LIPE: variants seen among roughly 807,000 people sequenced by gnomAD.
LIPE encodes hormone-sensitive lipase.
Under a neutral mutation model 88.5 loss-of-function variants are expected in LIPE, and 66 were observed. The ratio of observed to expected loss-of-function variants is 0.75; its 90% CI spans 0.61 to 0.91. LIPE has a LOEUF of 0.91. Among genes scored for constraint, LIPE ranks in the 40% least tolerant of loss-of-function variants. LIPE has a pLI of 0.00. For synonymous variants in LIPE, 570 were observed against 617.5 expected (o/e 0.92, Z 1.14); for missense variants, 1,346 against 1,434.7 (o/e 0.94, Z 1.00).
intron 1 of LIPE, among the ~76,000 whole-genome samples, chr19:42,422,142 C>T (rs1410919679): frequency 1.3e-5 from 2 of 152,204 alleles, no homozygotes; most frequent in Admixed American, 1.3e-4. Flanking sequence ...GGATGTTCAC[C>T]GTCCGGTGGG....
intron 1 of LIPE, among the ~76,000 whole-genome samples, chr19:42,418,089 T>A (rs2040526076): frequency 6.6e-6 from 1 of 151,860 alleles, no homozygotes; most frequent in South Asian, 2.1e-4. Flanking sequence ...TTCAAGTGAT[T>A]CTCCTACCTC....
chr19:42,405,087 C>T (rs1347237601), intron 8 of LIPE, among the ~76,000 whole-genome samples: 7 of 151,778 alleles, frequency 4.6e-5, no homozygotes, highest in East Asian at 1.9e-4. Flanking sequence ...AGGCTGGTCT[C>T]GAACTCCTGA....
Position 42,414,365 on chromosome 19 carries a change from G to A in LIPE, c.884-3523C>T, listed in dbSNP as rs2040448383. Reference sequence around the variant, plus strand: ...AAAGATGGCCCAAGCCCTTGCTGGCGACCCTGGATGAGTCTGTTTTCCTCA... The same window carrying A: ...AAAGATGGCCCAAGCCCTTGCTGGCAACCCTGGATGAGTCTGTTTTCCTCA... On this transcript the variant is annotated intron_variant, in intron 1 of 9. Transcript: ENST00000244289. The surrounding 1 kb of genome is among the most constrained non-coding windows in gnomAD (Gnocchi z 4.6). 2.0e-5 allele frequency among the ~76,000 whole-genome samples: 3 copies of A among 152,368 alleles called. No homozygotes were observed. The Middle Eastern group carries it at 0.01, about 518-fold the overall frequency.
Position 42,407,500 on chromosome 19 carries a change from T to C in LIPE, c.1843-32A>G. On this transcript the variant is annotated intron_variant, in intron 5 of 9. Transcript: ENST00000244289. This position sits in a 1 kb window ranked among gnomAD's most constrained non-coding sequence, Gnocchi z 5.8. ...GTGAGGAGGGAGACGGTGTGTGAGG[T>C]TGGGGAGAGCTGGCCAGGGCTGCAC... 6.3e-7 allele frequency: 1 copy of C among 1,595,366 alleles called. No individual in the cohort carries two copies. The highest frequency in any genetic ancestry group is 8.6e-7 in the Non-Finnish European group (1 of 1,167,890).
intron 8 of LIPE, among the ~76,000 whole-genome samples, chr19:42,404,470 C>A (rs918078916): frequency 6.6e-6 from 1 of 152,170 alleles, no homozygotes; most frequent in Admixed American, 6.5e-5. Flanking sequence ...ACCTCGTGAT[C>A]TGCCCGCCTC....
At chr19:42,418,828 C>T (rs2040540615) in intron 1 of LIPE, among the ~76,000 whole-genome samples, 1 of 152,142 alleles carries the variant, frequency 6.6e-6, no homozygotes, top group African/African-American at 2.4e-5. Flanking sequence ...TGAGACATGC[C>T]TGAATTTATA....
At chr19:42,412,240 C>T in intron 1 of LIPE, 1 of 982,834 alleles carries the variant, frequency 1.0e-6, no homozygotes, top group Non-Finnish European at 1.2e-6. Flanking sequence ...ACCATCTGCT[C>T]CAGTGACTTC....
Position 42,407,918 on chromosome 19 carries a change from A to G in LIPE, c.1656+58T>C. ...TGGGCCTGGAGCCCCACAGAGACCT[A>G]CTGTGGCCTCAGATGAGTCTCTGGG... On this transcript the variant is annotated intron_variant, in intron 4 of 9. Transcript: ENST00000244289. The surrounding 1 kb of genome is among the most constrained non-coding windows in gnomAD (Gnocchi z 5.8). 6.3e-7 allele frequency: 1 copy of G among 1,586,938 alleles called. No homozygotes were observed. Among genetic ancestry groups the G allele is most frequent in the East Asian group, 2.3e-5 (1 of 43,764 alleles).
In LIPE at chr19:42,407,254, G is replaced by T. The variant is rs761118421; in HGVS notation, c.2057C>A (p.Ala686Asp). 6.3e-7 allele frequency: 1 copy of T among 1,598,164 alleles called. No homozygotes were observed. Among genetic ancestry groups the T allele is most frequent in the Non-Finnish European group, 8.5e-7 (1 of 1,172,640 alleles). Residue 686 changes from alanine to aspartate, a missense_variant, in exon 6 of 10, where the codon GCC becomes GAC. Transcript: ENST00000244289. This position sits in a 1 kb window ranked among gnomAD's most constrained non-coding sequence, Gnocchi z 5.8. ...CGCACGGGGGAAGGGGGCCTCAGGG[G>T]CCAGGGAGTAGTCGATGGAGATGAT... ...APIISIDYSL[A>D]PEAPFPRALE...
intron 1 of LIPE, among the ~76,000 whole-genome samples, chr19:42,415,858 T>A (rs901788422): frequency 2.7e-5 from 4 of 150,354 alleles, no homozygotes; most frequent in Non-Finnish European, 4.4e-5. Context: ...ATGGAGAAAG[T>A]CTGAACGGTC....
Position 42,402,647 on chromosome 19 carries a change from G to C in LIPE, c.2927C>G (p.Pro976Arg). 6.7e-7 allele frequency: 1 copy of C among 1,498,816 alleles called. No homozygotes were observed. Among genetic ancestry groups the C allele is most frequent in the Non-Finnish European group, 8.9e-7 (1 of 1,122,026 alleles). 92.8% of individuals were successfully genotyped at this position (1,498,816 alleles called of 1,614,324 possible). ...KNPFMSPLLA[P>R]DSMLKSLPPV... Reference sequence around the variant, plus strand: ...TGGCAGGCTCTTGAGCATGCTGTCGGGTGCCAGCAGCGGCGACATGAAGGG... The same window carrying C: ...TGGCAGGCTCTTGAGCATGCTGTCGCGTGCCAGCAGCGGCGACATGAAGGG... Residue 976 changes from proline (P) to arginine (R), a missense_variant, in exon 9 of 10, where the codon CCC (proline) becomes CGC (arginine). Transcript: ENST00000244289.
intron 1 of LIPE, among the ~76,000 whole-genome samples, chr19:42,418,282 C>T (rs1239013263): frequency 1.3e-5 from 2 of 152,182 alleles, no homozygotes; most frequent in Non-Finnish European, 2.9e-5. Flanking sequence ...CGTGCCTGGC[C>T]TGACCCCAAT....
chr19:42,402,534 G>T, intron 9 of LIPE, 73 bp downstream of exon 9: 1 of 1,331,322 alleles, frequency 7.5e-7, no homozygotes, highest in Non-Finnish European at 9.9e-7. Context: ...GTGTACCCGT[G>T]CCCGGTCCCC....
rs1296357972 is a variant in LIPE at position 42,427,362 on chromosome 19, T to A, written c.-213A>T. On this transcript the variant is annotated 5_prime_UTR_variant, in exon 1 of 10. Coordinates refer to ENST00000244289, the MANE Select transcript of LIPE (RefSeq NM_005357.4). Reference sequence around the variant, plus strand: ...CCCACTAAGTAATGAACTCTGTGCCTCTTTCTTTGGTGGGAGGATTAGGAA... The same window carrying A: ...CCCACTAAGTAATGAACTCTGTGCCACTTTCTTTGGTGGGAGGATTAGGAA... The A allele has an allele frequency of 1.4e-5, 11 of 789,390 alleles. No individual in the cohort carries two copies. In the African/African-American group the frequency reaches 1.4e-4, roughly 10 times the overall value. The allele number at this position is 789,390 out of a possible 1,614,324, so 48.9% of individuals were successfully genotyped here.
intron 8 of LIPE, among the ~76,000 whole-genome samples, chr19:42,405,102 A>C (rs1405193634): frequency 6.6e-6 from 1 of 151,958 alleles, no homozygotes; most frequent in African/African-American, 2.4e-5. Context: ...TCCTGACCTC[A>C]AGTGATCTGC....
At chr19:42,423,859 G>A in intron 1 of LIPE, 1 of 1,125,246 alleles carries the variant, frequency 8.9e-7, no homozygotes, top group Non-Finnish European at 1.1e-6. Context: ...CAGCAGGGAA[G>A]TCCCGATCTT....
intron 1 of LIPE, chr19:42,424,021 A>G: frequency 8.5e-7 from 1 of 1,179,680 alleles, no homozygotes; most frequent in Non-Finnish European, 1.1e-6. Context: ...GGGGCGGGCC[A>G]GGTCCTCTGC....
In LIPE at chr19:42,426,396, C is replaced by CGGAA. The variant is rs778766358; in HGVS notation, c.753_754insTTCC (p.Gly252PhefsTer19). On this transcript the variant is annotated frameshift_variant, in exon 1 of 10. Transcript: ENST00000244289. LOFTEE classifies it high-confidence loss of function. ...AGCTTCACTCCCTGGGCCACCATTCCACCCATCGTGGCTGGAGAATCTGTG... is the reference window on the plus strand; with the variant it reads ...AGCTTCACTCCCTGGGCCACCATTCCGGAAACCCATCGTGGCTGGAGAATCTGTG... The CGGAA allele has an allele frequency of 1.2e-6, 2 of 1,614,052 alleles. No homozygotes were observed. The highest frequency in any genetic ancestry group is 1.7e-6 in the Non-Finnish European group (2 of 1,180,000).
chr19:42,421,504 A>G (rs1183294237), intron 1 of LIPE, among the ~76,000 whole-genome samples: 2 of 152,198 alleles, frequency 1.3e-5, no homozygotes, highest in Non-Finnish European at 2.9e-5. Flanking sequence ...TCAACTGTGA[A>G]TCTGTCAGCC....
Sources: allele counts gnomAD v4.1 joint callset (sites outside exome capture counted in the v4.1 genomes callset), GRCh38; gene constraint gnomAD v4.1.1; non-coding constraint Gnocchi (gnomAD v3.1); transcripts MANE v1.5; gene names NCBI Gene and HGNC (gene_info 2026-07-23, HGNC 2026-07-21).